The following EFHD1 variants were observed in gnomAD, a reference collection of about 807,000 sequenced individuals.
EFHD1 encodes the protein EF-hand domain-containing protein D1.
EFHD1 carries 10 observed loss-of-function variants against 17.2 expected under a neutral mutation model. That is an observed-to-expected ratio of 0.58 (90% confidence interval 0.36 to 0.99). The LOEUF is 0.99. EFHD1 is among the 50% of genes least tolerant of loss of function. EFHD1 has a pLI of 0.01. For synonymous variants in EFHD1, 153 were observed against 142.0 expected, an observed-to-expected ratio of 1.08 and a Z score of -0.55; for missense variants, 310 against 327.5, an observed-to-expected ratio of 0.95 and a Z score of 0.41.
Position 232,681,688 on chromosome 2 carries a change from TC to T in EFHD1, c.691del (p.Gln231ArgfsTer31), listed in dbSNP as rs757357649. On this transcript the variant is annotated frameshift_variant, in exon 4 of 4. Coordinates refer to ENST00000264059, the MANE Select transcript of EFHD1 (RefSeq NM_025202.4). LOFTEE classifies it high-confidence loss of function. ...GAGAGGCGGCTCCGCCAGGCAGCCT[TC>T]CAGAAACTCAAGGCCAACTTCAATA... ...EEERRLRQAA[F>X]QKLKANFNT The T allele has an allele frequency of 1.1e-5, 18 of 1,614,210 alleles. No homozygotes were observed. In the South Asian group the frequency reaches 2.0e-4, roughly 18 times the overall value.
At chr2:232,672,138 C>T (rs186591881) in intron 2 of EFHD1, among the ~76,000 whole-genome samples, 171 bp from the exon 3 acceptor site, 119 of 152,064 alleles carry the variant, frequency 7.8e-4, no homozygotes, top group African/African-American at 2.7e-3. Flanking sequence ...TGGGAAAAAT[C>T]GGCATGTTTT....
chr2:232,624,451 C>T (rs1209928233), intron 1 of EFHD1, among the ~76,000 whole-genome samples: 2 of 152,260 alleles, frequency 1.3e-5, no homozygotes, highest in African/African-American at 2.4e-5. Context: ...GCCTGATTCT[C>T]TGATTCTCTG....
At chr2:232,667,196 G>A (rs1694982379) in intron 2 of EFHD1, among the ~76,000 whole-genome samples, 1 of 152,128 alleles carries the variant, frequency 6.6e-6, no homozygotes, top group Admixed American at 6.6e-5. Context: ...GACGAATACA[G>A]TGGCCCCTGG....
intron 1 of EFHD1, among the ~76,000 whole-genome samples, chr2:232,645,473 C>A (rs1441138383): frequency 2.0e-5 from 3 of 152,242 alleles, no homozygotes; most frequent in South Asian, 2.1e-4. Flanking sequence ...CAGCCCTGAT[C>A]AAAAAAATCT....
intron 1 of EFHD1, among the ~76,000 whole-genome samples, chr2:232,608,885 G>A (rs184876819): frequency 2.8e-3 from 423 of 151,844 alleles, no homozygotes; most frequent in Non-Finnish European, 4.9e-3. Flanking sequence ...AGCCGGGATC[G>A]CGCCACTGCA....
intron 1 of EFHD1, among the ~76,000 whole-genome samples, chr2:232,658,554 C>T (rs1341826238): frequency 2.0e-5 from 3 of 152,146 alleles, no homozygotes; most frequent in African/African-American, 7.2e-5. Context: ...TGTCCAAACA[C>T]TTGTATATGA....
chr2:232,624,713 T>A (rs540743829), intron 1 of EFHD1, among the ~76,000 whole-genome samples: 2 of 152,254 alleles, frequency 1.3e-5, no homozygotes, highest in Admixed American at 6.5e-5. Flanking sequence ...TGAGGAGACA[T>A]CCCTGGAGGA....
intron 1 of EFHD1, among the ~76,000 whole-genome samples, chr2:232,616,257 A>G (rs1203539622): frequency 1.3e-5 from 2 of 152,166 alleles, no homozygotes; most frequent in Non-Finnish European, 2.9e-5. Context: ...TGCTCAGTGA[A>G]ATAAGCCAGT....
Position 232,682,223 on chromosome 2 carries a change from T to G in EFHD1, c.*504T>G, listed in dbSNP as rs1470076788. On this transcript the variant is annotated 3_prime_UTR_variant, in exon 4 of 4. Transcript: ENST00000264059. Reference sequence around the variant, plus strand: ...GGTAATGGTGGGTCTTAATGGAGGCTGGGTGGACCACTGCCCGTCCACTCT... The same window carrying G: ...GGTAATGGTGGGTCTTAATGGAGGCGGGGTGGACCACTGCCCGTCCACTCT... The G allele has an allele frequency of 6.5e-6, 1 of 153,296 alleles. No individual in the cohort carries two copies. The highest frequency in any genetic ancestry group is 1.5e-5 in the Non-Finnish European group (1 of 68,924). The allele number at this position is 153,296 out of a possible 1,614,324, so 9.5% of individuals were successfully genotyped here. A position where few individuals can be genotyped will look rare whatever the true frequency, so the allele number is the denominator to read the frequency against.
intron 1 of EFHD1, among the ~76,000 whole-genome samples, chr2:232,660,837 G>T (rs1380914871): frequency 6.6e-6 from 1 of 152,056 alleles, no homozygotes; most frequent in African/African-American, 2.4e-5. Context: ...AATTAGCTGT[G>T]TGTGGTGGCA....
chr2:232,613,940 A>G lies in EFHD1; in HGVS notation c.14+7767A>G, dbSNP rs539194863. Among the ~76,000 whole-genome samples, 15 of 152,142 alleles carry G rather than the reference A, an allele frequency of 9.9e-5. No individual in the cohort carries two copies. The South Asian group carries it at 3.1e-3, about 32-fold the overall frequency. ...CACAAATATATACACATACCCATATACACACATAAATATACACACACATAC... is the reference window on the plus strand; with the variant it reads ...CACAAATATATACACATACCCATATGCACACATAAATATACACACACATAC... On this transcript the variant is annotated intron_variant, in intron 1 of 3. Coordinates refer to the EFHD1 transcript ENST00000409613.
At chr2:232,617,351 G>T (rs1693944279) in intron 1 of EFHD1, among the ~76,000 whole-genome samples, 1 of 152,080 alleles carries the variant, frequency 6.6e-6, no homozygotes, top group Non-Finnish European at 1.5e-5. Flanking sequence ...CCTTAACTCA[G>T]TATGTATCAA....
intron 3 of EFHD1, among the ~76,000 whole-genome samples, chr2:232,675,257 AAAG>A (rs978089936): frequency 1.3e-5 from 2 of 151,748 alleles, no homozygotes; most frequent in Non-Finnish European, 2.9e-5. Flanking sequence ...AAAGAAAAGA[AAAG>A]AAAAGAAAAG....
Position 232,644,981 on chromosome 2 carries a change from A to G in EFHD1, c.302+10975A>G, listed in dbSNP as rs7577938. On this transcript the variant is annotated intron_variant, in intron 1 of 3. Transcript: ENST00000264059. The stretch of plus-strand genomic sequence containing the variant: ...TTTTTTTTGAGAGATAGGTCTTACT[A>G]TGTTGCCCTGGATGGTCTTGAACTC... Among the ~76,000 whole-genome samples, 967 of 133,420 alleles carry G rather than the reference A, an allele frequency of 7.2e-3. 11 individuals are homozygous for G. The highest frequency in any genetic ancestry group is 0.026 in the African/African-American group (888 of 34,810). 87.5% of individuals were successfully genotyped at this position (133,420 alleles called of 152,430 possible).
intron 1 of EFHD1, among the ~76,000 whole-genome samples, chr2:232,644,771 C>T (rs967202245): frequency 4.1e-4 from 61 of 150,070 alleles, no homozygotes; most frequent in Non-Finnish European, 6.5e-4. Context: ...GGATTACAGG[C>T]GAGAGCCACT....
At chr2:232,671,889 C>A (rs1695074579) in intron 2 of EFHD1, among the ~76,000 whole-genome samples, 1 of 151,700 alleles carries the variant, frequency 6.6e-6, no homozygotes, top group African/African-American at 2.4e-5. Context: ...AAACCCCATC[C>A]CTACTAAAAA....
intron 1 of EFHD1, among the ~76,000 whole-genome samples, chr2:232,621,696 C>G (rs1694021740): frequency 6.6e-6 from 1 of 152,206 alleles, no homozygotes; most frequent in African/African-American, 2.4e-5. Flanking sequence ...AGGTGATCCA[C>G]CCGCCTTGGC....
intron 1 of EFHD1, among the ~76,000 whole-genome samples, chr2:232,615,269 G>C (rs982139818): frequency 6.6e-6 from 1 of 151,652 alleles, no homozygotes; most frequent in East Asian, 1.9e-4. Flanking sequence ...TTTACTGTTG[G>C]GGGGGCATCC....
upstream of EFHD1, among the ~76,000 whole-genome samples, chr2:232,629,845 C>G (rs1694172543): frequency 6.6e-6 from 1 of 150,764 alleles, no homozygotes; most frequent in South Asian, 2.1e-4. Flanking sequence ...AATAATTTGC[C>G]CCCTTTAGTT....
Sources: gnomAD v4.1 joint callset for allele counts (sites outside exome capture counted in the v4.1 genomes callset) on GRCh38, gnomAD v4.1.1 for gene constraint, MANE v1.5 for transcripts, NCBI Gene and HGNC (gene_info 2026-07-23, HGNC 2026-07-21) for gene names.